KCNC2: variants seen among roughly 807,000 people sequenced by gnomAD.
KCNC2 encodes the protein potassium voltage-gated channel subfamily C member 2, also known as voltage-gated potassium channel KCNC2.
KCNC2 carries 21 observed loss-of-function variants against 44.5 expected under a neutral mutation model. That is an observed-to-expected ratio of 0.47 (90% confidence interval 0.33 to 0.68). KCNC2 has a LOEUF of 0.68. KCNC2 is among the 30% of genes least tolerant of loss of function. The pLI is 0.01. For missense variants in KCNC2, 589 were observed against 826.2 expected, an observed-to-expected ratio of 0.71 and a Z score of 3.52; for synonymous variants, 391 against 339.1, an observed-to-expected ratio of 1.15 and a Z score of -1.68.
At chr12:75,048,909 T>C (rs1880860778) in intron 3 of KCNC2, among the ~76,000 whole-genome samples, 1 of 152,128 alleles carries the variant, frequency 6.6e-6, no homozygotes, top group Non-Finnish European at 1.5e-5. Flanking sequence ...AATAAGTATC[T>C]GTTTACTTCT....
At chr12:75,086,200 G>T (rs543646139) in intron 2 of KCNC2, among the ~76,000 whole-genome samples, 8 of 151,958 alleles carry the variant, frequency 5.3e-5, no homozygotes, top group Non-Finnish European at 8.8e-5. Flanking sequence ...CCACTTGGAA[G>T]GGCTTTCCTT....
At chr12:75,168,638 G>A (rs141266477) in intron 2 of KCNC2, among the ~76,000 whole-genome samples, 267 of 151,466 alleles carry the variant, frequency 1.8e-3, no homozygotes, top group African/African-American at 6.2e-3. Context: ...TTTGACAACC[G>A]CATTCTATTT....
At chr12:75,045,048 G>A (rs1880325125) in intron 4 of KCNC2, among the ~76,000 whole-genome samples, 1 of 151,880 alleles carries the variant, frequency 6.6e-6, no homozygotes, top group Admixed American at 6.6e-5. Flanking sequence ...TATAACTTTG[G>A]GAATTGTAGG....
At chr12:75,128,569 C>T (rs1888606138) in intron 2 of KCNC2, among the ~76,000 whole-genome samples, 1 of 152,016 alleles carries the variant, frequency 6.6e-6, no homozygotes, top group South Asian at 2.1e-4. Flanking sequence ...TAGATTTTTA[C>T]ATTTATACAA....
rs903688625 is a variant in KCNC2, at chr12:75,070,096, T to C, written c.688-18779A>G. ...TTTGAGCTAACTTAAGAAAATGCAC[T>C]TAATGAATAAAAGAATATTGATAAA... On this transcript the variant is annotated intron_variant, in intron 2 of 4. Transcript: ENST00000549446. Among the ~76,000 whole-genome samples the C allele has an allele frequency of 2.0e-5, 3 of 152,210 alleles. No homozygotes were observed. In the South Asian group the frequency reaches 6.2e-4, roughly 31 times the overall value.
Position 75,041,704 on chromosome 12 carries a change from T to G in KCNC2, c.*1401A>C. ...ATGCTGGTTGCTAGGTAGTAGAAAC[T>G]GACACTGCAGCAGGCAACCAAGTGC... On this transcript the variant is annotated 3_prime_UTR_variant, in exon 5 of 5. Coordinates refer to ENST00000549446, the MANE Select transcript of KCNC2 (RefSeq NM_139137.4). 2.0e-6 allele frequency: 2 copies of G among 994,164 alleles called. No homozygotes were observed. Among genetic ancestry groups the G allele is most frequent in the Non-Finnish European group, 2.4e-6 (2 of 834,748 alleles). 61.6% of individuals were successfully genotyped at this position (994,164 alleles called of 1,614,324 possible). A position where few individuals can be genotyped will look rare whatever the true frequency, so the allele number is the denominator to read the frequency against.
chr12:75,047,605 C>T (rs141041505), intron 4 of KCNC2, among the ~76,000 whole-genome samples: 116 of 152,172 alleles, frequency 7.6e-4, no homozygotes, highest in African/African-American at 2.5e-3. Flanking sequence ...ATTAGACATA[C>T]TGTTCCATAT....
At chr12:75,045,195 A>G (rs1880347225) in intron 4 of KCNC2, among the ~76,000 whole-genome samples, 1 of 151,994 alleles carries the variant, frequency 6.6e-6, no homozygotes, top group Non-Finnish European at 1.5e-5. Flanking sequence ...ATTATACATC[A>G]TCACACAGAT....
At chr12:75,086,677 AAAAAAT>A (rs1315839006) in intron 2 of KCNC2, among the ~76,000 whole-genome samples, 8 of 27,718 alleles carry the variant, frequency 2.9e-4, no homozygotes, top group South Asian at 1.5e-3. Flanking sequence ...AAAAAAAAAA[AAAAAAT>A]ATATATATAT....
intron 2 of KCNC2, among the ~76,000 whole-genome samples, chr12:75,063,147 T>C (rs1882505420): frequency 6.6e-6 from 1 of 152,068 alleles, no homozygotes; most frequent in Non-Finnish European, 1.5e-5. Flanking sequence ...CATTTCTGTT[T>C]TGCTATGTTT....
intron 2 of KCNC2, among the ~76,000 whole-genome samples, chr12:75,169,399 G>A (rs902198354): frequency 6.6e-6 from 1 of 151,514 alleles, no homozygotes; most frequent in Non-Finnish European, 1.5e-5. Context: ...TATCTTCAGT[G>A]ATGTTCCATT....
intron 2 of KCNC2, among the ~76,000 whole-genome samples, chr12:75,100,310 G>A (rs901369880): frequency 2.0e-5 from 3 of 151,852 alleles, no homozygotes; most frequent in African/African-American, 7.3e-5. Flanking sequence ...CCTTGGGTCT[G>A]GCCACAGGGA....
In KCNC2 at chr12:75,174,913, A is replaced by G. The variant is rs550921568; in HGVS notation, c.687+32384T>C. Among the ~76,000 whole-genome samples the G allele has an allele frequency of 2.6e-5, 4 of 152,120 alleles. No homozygotes were observed. In the South Asian group the frequency reaches 8.3e-4, roughly 32 times the overall value. ...GGTTGAAAGGATAGCAAAAAACAAA[A>G]AGGCTAAGAGAAAGCAGTTAATACA... On this transcript the variant is annotated intron_variant, in intron 2 of 4. Transcript: ENST00000549446.
chr12:75,189,893 T>C (rs1233843462), intron 2 of KCNC2, among the ~76,000 whole-genome samples: 2 of 152,214 alleles, frequency 1.3e-5, no homozygotes, highest in African/African-American at 4.8e-5. Context: ...GTGGATTTTC[T>C]ACCTATGAGT....
intron 2 of KCNC2, among the ~76,000 whole-genome samples, chr12:75,178,717 T>A (rs549352127): frequency 6.6e-6 from 1 of 152,082 alleles, no homozygotes; most frequent in Non-Finnish European, 1.5e-5. Flanking sequence ...AGAAATGAGA[T>A]AATACACATG....
At chr12:75,177,292 A>G (rs1217241243) in intron 2 of KCNC2, among the ~76,000 whole-genome samples, 1 of 151,946 alleles carries the variant, frequency 6.6e-6, no homozygotes, top group African/African-American at 2.4e-5. Context: ...TTATGAACAA[A>G]CACAGGGTTC....
chr12:75,205,870 C>T (rs1593097823), intron 2 of KCNC2, among the ~76,000 whole-genome samples: 3 of 117,572 alleles, frequency 2.6e-5, no homozygotes, highest in Admixed American at 9.1e-5. Flanking sequence ...AATGCCAACT[C>T]TGTTGTTGAA....
intron 2 of KCNC2, among the ~76,000 whole-genome samples, chr12:75,193,208 T>C (rs2030462583): frequency 6.6e-6 from 1 of 152,178 alleles, no homozygotes; most frequent in South Asian, 2.1e-4. Context: ...CTTATCCAAA[T>C]TTTATTTAAA....
At position 75,048,153 on chromosome 12, in the gene KCNC2, C is replaced by T. The variant is rs1469522935; in HGVS notation, c.1780G>A (p.Gly594Arg). The T allele has an allele frequency of 1.2e-6, 2 of 1,612,072 alleles. No individual in the cohort carries two copies. The highest frequency in any genetic ancestry group is 2.2e-5 in the East Asian group (1 of 44,802). Residue 594 changes from glycine (G) to arginine (R), a missense_variant and splice_region_variant, in exon 4 of 5, where the codon GGA becomes AGA. This residue lies in a region of KCNC2 where 171 missense variants were observed against 182.4 expected (regional missense o/e 0.94). Transcript: ENST00000549446. The stretch of plus-strand genomic sequence containing the variant: ...ATGATCTGATTAAATGCATGCCTAC[C>T]TTTCCTGATCCCTCCATCAGAAGCA... Reference protein sequence around the residue: ...TCASDGGIRKGYEKSRSLNNI... With the variant: ...TCASDGGIRKRYEKSRSLNNI...
Sources: allele counts gnomAD v4.1 joint callset (sites outside exome capture counted in the v4.1 genomes callset), GRCh38; gene constraint gnomAD v4.1.1; regional missense constraint gnomAD v4.1.1; transcripts MANE v1.5; gene names NCBI Gene and HGNC (gene_info 2026-07-23, HGNC 2026-07-21).